Variants in SLC17A3 observed in about 807,000 individuals in gnomAD.
SLC17A3 encodes the protein solute carrier family 17 member 3.
In SLC17A3, 61 loss-of-function variants were observed where a neutral mutation model predicts 60.3. That is an observed-to-expected ratio of 1.01 (90% CI 0.82 to 1.25). The LOEUF (loss-of-function observed/expected upper bound fraction) is 1.25. Among genes scored for constraint, SLC17A3 ranks in the 50% most tolerant of loss-of-function variants. The pLI, the probability that SLC17A3 is intolerant of heterozygous loss-of-function variation, is 0.00. For synonymous variants in SLC17A3, 192 were observed against 208.9 expected (o/e 0.92, Z 0.70); for missense variants, 624 against 594.9 (o/e 1.05, Z -0.51).
chr6:25,872,897 T>TATA (rs1765668583), intron 1 of SLC17A3, among the ~76,000 whole-genome samples: 5 of 152,140 alleles, frequency 3.3e-5, no homozygotes, highest in African/African-American at 7.2e-5. Context: ...CACATGACAG[T>TATA]CTACCACCTG....
Position 25,868,297 on chromosome 6 carries a change from C to G in SLC17A3, c.91G>C (p.Val31Leu). The change falls in exon 2 of 13, where the codon GTT (valine) becomes CTT (leucine). Residue 31 changes from valine (V) to leucine (L), a missense_variant and splice_region_variant. Val to Leu is a conservative substitution (Grantham distance 32, BLOSUM62 1). Coordinates refer to ENST00000397060, the MANE Select transcript of SLC17A3 (RefSeq NM_001098486.2). Reference protein sequence around the residue: ...QVDETLIPRKVPSLCSARYGI... With the variant: ...QVDETLIPRKLPSLCSARYGI... Reference sequence around the variant, plus strand: ...ACCAAGCAGTTGAGGTCAAATTTACCTTTCCTGGGGATCAGTGTCTCATCC... The same window carrying G: ...ACCAAGCAGTTGAGGTCAAATTTACGTTTCCTGGGGATCAGTGTCTCATCC... 1 of 1,610,998 alleles carries G rather than the reference C, an allele frequency of 6.2e-7. No homozygotes were observed. The highest frequency in any genetic ancestry group is 8.5e-7 in the Non-Finnish European group (1 of 1,177,946).
At chr6:25,866,951 A>G (rs928022593) in intron 2 of SLC17A3, among the ~76,000 whole-genome samples, 3 of 152,024 alleles carry the variant, frequency 2.0e-5, no homozygotes, top group East Asian at 1.9e-4. Context: ...TGAAGACACC[A>G]TTGATACATC....
At chr6:25,870,949 G>A (rs1295189929) in intron 1 of SLC17A3, among the ~76,000 whole-genome samples, 2 of 152,030 alleles carry the variant, frequency 1.3e-5, no homozygotes, top group African/African-American at 4.8e-5. Flanking sequence ...TCTGAGTTCA[G>A]AAATGATGTC....
chr6:25,849,610 A>G (rs1165188), intron 10 of SLC17A3, 146 bp from the exon 11 acceptor site: 31,882 of 747,938 alleles, frequency 0.043, 1,641 homozygotes, highest in African/African-American at 0.2. Context: ...AAGGACTTGC[A>G]CTATGTATAT....
chr6:25,869,142 T>C (rs1765597170), intron 1 of SLC17A3, among the ~76,000 whole-genome samples: 1 of 152,012 alleles, frequency 6.6e-6, no homozygotes, highest in Non-Finnish European at 1.5e-5. Context: ...ACATGGAGGT[T>C]GTGACCTTTT....
Position 25,850,085 on chromosome 6 carries a change from A to G in SLC17A3, c.1086T>C (p.Phe362=), listed in dbSNP as rs1160159972. Residue 362 remains phenylalanine (F), a synonymous_variant, in exon 9 of 13, where the codon TTT becomes TTC. Transcript: ENST00000397060. The part of the protein sequence containing the change: ...YLADFLLTKK[F]RLITVRKIAT... ...CAATTTTCCTCACAGTGATGAGTCT[A>G]AACTTTTTGGTTAGAAGGAAATCTG... 6.2e-7 allele frequency: 1 copy of G among 1,613,968 alleles called. No individual in the cohort carries two copies. The highest frequency in any genetic ancestry group is 1.1e-5 in the South Asian group (1 of 91,080).
intron 11 of SLC17A3, among the ~76,000 whole-genome samples, chr6:25,846,649 C>T (rs769963171): frequency 6.6e-6 from 1 of 152,112 alleles, no homozygotes; most frequent in Non-Finnish European, 1.5e-5. Flanking sequence ...CTCACTTTGT[C>T]GCCCAGGCTG....
chr6:25,847,866 C>T (rs541653238), intron 11 of SLC17A3, among the ~76,000 whole-genome samples: 2 of 151,968 alleles, frequency 1.3e-5, no homozygotes, highest in East Asian at 1.9e-4. Flanking sequence ...TACACTGAAC[C>T]GGATTTGTAG....
intron 2 of SLC17A3, 47 bp downstream of exon 2, chr6:25,868,250 G>T (rs367829646): frequency 1.4e-5 from 18 of 1,323,500 alleles, no homozygotes; most frequent in East Asian, 2.3e-5. Context: ...TTGACAAAAA[G>T]AATTCACTGT....
At chr6:25,863,746 G>T (rs1029275500) in intron 2 of SLC17A3, among the ~76,000 whole-genome samples, 1 of 152,100 alleles carries the variant, frequency 6.6e-6, no homozygotes, top group Non-Finnish European at 1.5e-5. Context: ...CTATGCTTGG[G>T]TGGATAAATC....
At chr6:25,868,222 C>A in intron 2 of SLC17A3, 75 bp downstream of exon 2, 2 of 1,072,652 alleles carry the variant, frequency 1.9e-6, no homozygotes, top group South Asian at 2.6e-5. Context: ...ATCACAAATT[C>A]ATTTTTATAG....
chr6:25,850,270 A>G, intron 8 of SLC17A3, 93 bp from the exon 9 acceptor site: 1 of 1,445,330 alleles, frequency 6.9e-7, no homozygotes, highest in Non-Finnish European at 9.5e-7. Flanking sequence ...TGACATTCTG[A>G]AATCATACTT....
intron 5 of SLC17A3, among the ~76,000 whole-genome samples, chr6:25,861,065 G>A (rs780632326): frequency 1.3e-5 from 2 of 152,112 alleles, no homozygotes; most frequent in African/African-American, 4.8e-5. Context: ...GCAGTCTCCT[G>A]TTTCTTAACC....
At chr6:25,862,529 G>T (rs1765469318) in intron 2 of SLC17A3, 85 bp from the exon 3 acceptor site, 1 of 1,077,410 alleles carries the variant, frequency 9.3e-7, no homozygotes, top group Non-Finnish European at 1.4e-6. Flanking sequence ...AAAAGTACCT[G>T]ATCACTTAAC....
chr6:25,850,307 A>G lies in SLC17A3; in HGVS notation c.994-130T>C. ...CTTAGGAAAATCAGTAACCTCTTAA[A>G]TCATACCCCAGAAAAGCTACTGGCA... On this transcript the variant is annotated intron_variant, in intron 8 of 12. Coordinates refer to ENST00000397060, the MANE Select transcript of SLC17A3 (RefSeq NM_001098486.2). 2.3e-6 allele frequency: 3 copies of G among 1,324,106 alleles called. No homozygotes were observed. The South Asian group carries it at 3.7e-5, about 16-fold the overall frequency. The allele number at this position is 1,324,106 out of a possible 1,614,324, so 82.0% of individuals were successfully genotyped here. A position where few individuals can be genotyped will look rare whatever the true frequency, so the allele number is the denominator to read the frequency against.
intron 5 of SLC17A3, among the ~76,000 whole-genome samples, chr6:25,858,915 C>G (rs952037918): frequency 5.9e-5 from 9 of 152,088 alleles, no homozygotes; most frequent in Non-Finnish European, 1.2e-4. Context: ...ATGTTCATAT[C>G]TAAAGTGTAT....
intron 11 of SLC17A3, among the ~76,000 whole-genome samples, chr6:25,849,046 T>C (rs1765225280): frequency 6.6e-6 from 1 of 152,196 alleles, no homozygotes; most frequent in Non-Finnish European, 1.5e-5. Context: ...TAAACTTAAG[T>C]TCCTTGTAGA....
rs769372640 is a variant in SLC17A3 at position 25,855,131 on chromosome 6, G to C, written c.712+13C>G. On this transcript the variant is annotated intron_variant, in intron 6 of 12. Coordinates refer to ENST00000397060, the MANE Select transcript of SLC17A3 (RefSeq NM_001098486.2). ...GCATATGAAACTCAGGGAACTGGGA[G>C]ATAGTAGCTTACCAAAGATATAGAA... The C allele has an allele frequency of 6.4e-7, 1 of 1,555,840 alleles. No homozygotes were observed. Among genetic ancestry groups the C allele is most frequent in the African/African-American group, 1.4e-5 (1 of 73,826 alleles).
At chr6:25,864,630 T>G (rs1437869445) in intron 2 of SLC17A3, among the ~76,000 whole-genome samples, 1 of 151,212 alleles carries the variant, frequency 6.6e-6, no homozygotes, top group Non-Finnish European at 1.5e-5. Flanking sequence ...AGAAAGTTCT[T>G]GGAAGGAGCA....
Sources: gnomAD v4.1 joint callset for allele counts (sites outside exome capture counted in the v4.1 genomes callset) on GRCh38, gnomAD v4.1.1 for gene constraint, MANE v1.5 for transcripts, NCBI Gene and HGNC (gene_info 2026-07-23, HGNC 2026-07-21) for gene names.